HK1: variants seen among roughly 807,000 people sequenced by gnomAD.
HK1 encodes the protein hexokinase-1.
HK1 carries 28 observed loss-of-function variants against 91.6 expected under a neutral mutation model. That is an observed-to-expected ratio of 0.31 (90% confidence interval 0.23 to 0.42). The LOEUF (loss-of-function observed/expected upper bound fraction) is 0.42. HK1 is among the 10% of genes least tolerant of loss of function. The pLI is 1.00. For missense variants in HK1, 770 were observed against 1,219.8 expected (o/e 0.63, Z 5.49); for synonymous variants, 430 against 468.1 (o/e 0.92, Z 1.05).
chr10:69,297,997 G>A (rs1845655774), intron 4 of HK1, among the ~76,000 whole-genome samples: 1 of 151,444 alleles, frequency 6.6e-6, no homozygotes, highest in Non-Finnish European at 1.5e-5. Context: ...TATCACCTGA[G>A]GTCAGGAGTT....
chr10:69,284,173 T>C lies in HK1; in HGVS notation c.-215+1469T>C, dbSNP rs765035934. 2.1e-3 allele frequency among the ~76,000 whole-genome samples: 322 copies of C among 152,136 alleles called. 3 individuals carry two copies. The highest frequency in any genetic ancestry group is 1.1e-3 in the Admixed American group (17 of 15,266). On this transcript the variant is annotated intron_variant, in intron 2 of 21. Coordinates refer to the HK1 transcript ENST00000360289. ...TGCAGTTGAGGGACAGTGTGCAAGA[T>C]TGGTTAAGAATGGAGGAGCCTGATT...
chr10:69,356,858 G>A (rs1849159753), intron 2 of HK1, among the ~76,000 whole-genome samples: 1 of 143,762 alleles, frequency 7.0e-6, no homozygotes, highest in South Asian at 2.2e-4. Flanking sequence ...CCTCCAAGCT[G>A]GGCAACAGAG....
intron 3 of HK1, among the ~76,000 whole-genome samples, chr10:69,293,849 T>A (rs1195349571): frequency 7.2e-6 from 1 of 138,996 alleles, no homozygotes; most frequent in Non-Finnish European, 1.5e-5. Flanking sequence ...ACAAGCATAT[T>A]TCTTTCTTTT....
chr10:69,285,257 T>G (rs1401885132), intron 2 of HK1, among the ~76,000 whole-genome samples: 1 of 151,952 alleles, frequency 6.6e-6, no homozygotes, highest in Non-Finnish European at 1.5e-5. Flanking sequence ...ACATGGTCTC[T>G]ACTGAAAATA....
Position 69,401,559 on chromosome 10 carries a change from G to A in HK1, c.*424G>A, listed in dbSNP as rs41279664. The stretch of plus-strand genomic sequence containing the variant: ...TGTATTATCACCAGCAGACACTGCC[G>A]GGCCTCCCTCCCGGGGGCACTGCCT... On this transcript the variant is annotated 3_prime_UTR_variant, in exon 18 of 18. Transcript: ENST00000359426. 6.9e-3 allele frequency: 2,419 copies of A among 352,906 alleles called. 18 individuals are homozygous for A. Among genetic ancestry groups the A allele is most frequent in the Non-Finnish European group, 9.8e-3 (1,771 of 180,120 alleles). 21.9% of individuals were successfully genotyped at this position (352,906 alleles called of 1,614,324 possible).
chr10:69,393,099 A>G (rs528178828), intron 15 of HK1, among the ~76,000 whole-genome samples: 4 of 152,260 alleles, frequency 2.6e-5, no homozygotes, highest in African/African-American at 9.6e-5. Flanking sequence ...CTCCTGCCTC[A>G]GCCTCCCCAG....
At chr10:69,299,597 C>A (rs1845747563) in intron 4 of HK1, among the ~76,000 whole-genome samples, 1 of 151,634 alleles carries the variant, frequency 6.6e-6, no homozygotes, top group Non-Finnish European at 1.5e-5. Flanking sequence ...GAACTCCTGA[C>A]CTCGTGATTG....
chr10:69,301,885 AG>A (rs1204138323), intron 5 of HK1, among the ~76,000 whole-genome samples: 1 of 152,156 alleles, frequency 6.6e-6, no homozygotes, highest in Non-Finnish European at 1.5e-5. Flanking sequence ...TGAAAATGGA[AG>A]GGGTGCCGAA....
At chr10:69,386,024 G>C (rs77356141) in intron 12 of HK1, among the ~76,000 whole-genome samples, 4,618 of 152,290 alleles carry the variant, frequency 0.03, 252 homozygotes, top group African/African-American at 0.1. Context: ...GGAATCGGGT[G>C]ATCTGGGCTC....
At chr10:69,372,783 T>C (rs763127795) in intron 7 of HK1, among the ~76,000 whole-genome samples, 4 of 152,210 alleles carry the variant, frequency 2.6e-5, no homozygotes, top group Non-Finnish European at 5.9e-5. Context: ...CTCTCACTAA[T>C]GATTCAGTTG....
At position 69,401,381 on chromosome 10, in the gene HK1, G is replaced by T; in HGVS notation, c.*246G>T. On this transcript the variant is annotated 3_prime_UTR_variant, in exon 18 of 18. Coordinates refer to ENST00000359426, the MANE Select transcript of HK1 (RefSeq NM_000188.3). ...CTTTGCATGGTTTGATTTTGACCTG[G>T]TCCCCCACGTGTGAAGTGTAGTGGC... The T allele has an allele frequency of 6.8e-6, 4 of 586,284 alleles. No individual in the cohort carries two copies. The highest frequency in any genetic ancestry group is 1.2e-5 in the Non-Finnish European group (4 of 327,302). 36.3% of individuals were successfully genotyped at this position (586,284 alleles called of 1,614,324 possible).
intron 5 of HK1, among the ~76,000 whole-genome samples, chr10:69,310,052 TA>T (rs1216110407): frequency 2.2e-3 from 199 of 88,906 alleles, no homozygotes; most frequent in Middle Eastern, 0.013. Flanking sequence ...CTCCATCTCA[TA>T]AAAAAAAAAA....
rs571766085 is a variant in HK1 at position 69,372,224 on chromosome 10, A to G, written c.875+2600A>G. ...CTCCCACTGGGTCCCTCCCACTACAACATGGGAATTCAAGAAGAGATTTGG... is the reference window on the plus strand; with the variant it reads ...CTCCCACTGGGTCCCTCCCACTACAGCATGGGAATTCAAGAAGAGATTTGG... On this transcript the variant is annotated intron_variant, in intron 7 of 17. Coordinates refer to ENST00000359426, the MANE Select transcript of HK1 (RefSeq NM_000188.3). Among the ~76,000 whole-genome samples, 42 of 152,346 alleles carry G rather than the reference A, an allele frequency of 2.8e-4. 1 individual carries two copies. Among genetic ancestry groups the G allele is most frequent in the Non-Finnish European group, 1.0e-4 (7 of 68,022 alleles).
At chr10:69,321,146 G>C (rs1339326335) in intron 1 of HK1, among the ~76,000 whole-genome samples, 3 of 152,330 alleles carry the variant, frequency 2.0e-5, no homozygotes, top group Non-Finnish European at 4.4e-5. Flanking sequence ...CTATAGGGGA[G>C]TACGTGGATT....
chr10:69,270,258 G>A (rs543326882), intron 1 of HK1: 1 of 152,308 alleles, frequency 6.6e-6, no homozygotes, highest in East Asian at 1.9e-4. Flanking sequence ...CTACAGCCAC[G>A]CGCCACTGCA....
chr10:69,295,666 C>G, exon 4 of HK1: 1 of 1,605,010 alleles, frequency 6.2e-7, no homozygotes, highest in Non-Finnish European at 8.5e-7. Context: ...ACTTCATCTA[C>G]TTGCTGAAAG....
At chr10:69,381,638 C>G (rs1043807305) in intron 9 of HK1, among the ~76,000 whole-genome samples, 1 of 150,884 alleles carries the variant, frequency 6.6e-6, no homozygotes, top group Non-Finnish European at 1.5e-5. Context: ...ACTGCAACCT[C>G]TGCCTCCCAG....
intron 4 of HK1, chr10:69,300,531 GC>G: frequency 1.4e-6 from 1 of 718,192 alleles, no homozygotes; most frequent in Non-Finnish European, 2.4e-6. Flanking sequence ...AATCAAACTG[GC>G]CAGATGGAAG....
chr10:69,276,949 T>G (rs1166869281), intron 1 of HK1, among the ~76,000 whole-genome samples: 1 of 152,124 alleles, frequency 6.6e-6, no homozygotes, highest in East Asian at 1.9e-4. Flanking sequence ...CTTACCCCTA[T>G]AGCCCATCAT....
Sources: gnomAD v4.1 joint callset for allele counts (sites outside exome capture counted in the v4.1 genomes callset) on GRCh38, gnomAD v4.1.1 for gene constraint, MANE v1.5 for transcripts, NCBI Gene and HGNC (gene_info 2026-07-23, HGNC 2026-07-21) for gene names.